ERC2: variants seen among roughly 807,000 people sequenced by gnomAD.
ERC2 encodes the protein ELKS/RAB6-interacting/CAST family member 2.
A neutral mutation model predicts 114.8 loss-of-function variants in ERC2; 42 were observed. The ratio of observed to expected loss-of-function variants is 0.37; its 90% CI spans 0.29 to 0.47. The LOEUF is 0.47. Among genes scored for constraint, ERC2 ranks in the 20% least tolerant of loss-of-function variants. The pLI, the probability that ERC2 is intolerant of heterozygous loss-of-function variation, is 0.99. For synonymous variants in ERC2, 454 were observed against 425.5 expected, an observed-to-expected ratio of 1.07 and a Z score of -0.82; for missense variants, 939 against 1,150.7, an observed-to-expected ratio of 0.82 and a Z score of 2.66.
At chr3:55,890,877 T>C (rs1051400244) in intron 13 of ERC2, among the ~76,000 whole-genome samples, 2 of 152,208 alleles carry the variant, frequency 1.3e-5, no homozygotes, top group African/African-American at 4.8e-5. Flanking sequence ...GAACACATCC[T>C]TCTAGTTTTA....
In ERC2 at chr3:55,538,974, T is replaced by A. The variant is rs1315139162; in HGVS notation, c.*40-27698A>T. Among the ~76,000 whole-genome samples the A allele has an allele frequency of 3.9e-5, 6 of 152,208 alleles. No homozygotes were observed. In the East Asian group the frequency reaches 1.2e-3, roughly 29 times the overall value. ...CACACAATTGTGGATTGGGTGGGCGTACAGAGCCTTTAATTTAAGTGGGAA... is the reference window on the plus strand; with the variant it reads ...CACACAATTGTGGATTGGGTGGGCGAACAGAGCCTTTAATTTAAGTGGGAA... On this transcript the variant is annotated intron_variant, in intron 17 of 17. Transcript: ENST00000288221.
intron 11 of ERC2, among the ~76,000 whole-genome samples, chr3:55,986,624 C>T (rs983047566): frequency 4.6e-5 from 7 of 152,098 alleles, no homozygotes; most frequent in African/African-American, 1.2e-4. Flanking sequence ...TATCAGCTTC[C>T]GCAGCAAGGA....
At chr3:56,152,248 A>G (rs936312740) in intron 4 of ERC2, among the ~76,000 whole-genome samples, 1 of 152,176 alleles carries the variant, frequency 6.6e-6, no homozygotes, top group Non-Finnish European at 1.5e-5. Flanking sequence ...ATTCTATTTA[A>G]TTTTATTTAT....
At chr3:56,029,930 T>C (rs553540328) in intron 7 of ERC2, among the ~76,000 whole-genome samples, 2 of 152,262 alleles carry the variant, frequency 1.3e-5, no homozygotes, top group South Asian at 4.1e-4. Context: ...AGATCTTTCT[T>C]CTTTTTTCAT....
At chr3:55,833,641 A>G (rs370018303) in intron 14 of ERC2, among the ~76,000 whole-genome samples, 3 of 152,132 alleles carry the variant, frequency 2.0e-5, no homozygotes, top group African/African-American at 2.4e-5. Context: ...ACTGGTACCA[A>G]CCACTGCAAA....
At chr3:55,703,084 G>A (rs778494085) in intron 15 of ERC2, among the ~76,000 whole-genome samples, 7 of 152,176 alleles carry the variant, frequency 4.6e-5, no homozygotes, top group East Asian at 1.9e-4. Context: ...TCTTCAAGGC[G>A]CCACCTTATT....
chr3:55,925,790 C>G (rs912663057), intron 13 of ERC2, among the ~76,000 whole-genome samples: 1 of 152,126 alleles, frequency 6.6e-6, no homozygotes, highest in Non-Finnish European at 1.5e-5. Context: ...CAGAGACAAA[C>G]GACCATATGA....
At chr3:55,553,415 T>A (rs1442385605) in intron 17 of ERC2, among the ~76,000 whole-genome samples, 1 of 152,086 alleles carries the variant, frequency 6.6e-6, no homozygotes, top group African/African-American at 2.4e-5. Flanking sequence ...TTTTATTTAA[T>A]CTTCACAAGA....
intron 13 of ERC2, among the ~76,000 whole-genome samples, chr3:55,896,863 C>A (rs1052717474): frequency 3.9e-5 from 6 of 152,152 alleles, no homozygotes; most frequent in Non-Finnish European, 5.9e-5. Context: ...TAATTGTGTG[C>A]TATTTCTGAT....
intron 15 of ERC2, among the ~76,000 whole-genome samples, chr3:55,726,183 C>T (rs1014514938): frequency 2.6e-5 from 4 of 152,170 alleles, no homozygotes; most frequent in Admixed American, 6.5e-5. Flanking sequence ...CTGTAAAAAC[C>T]AATACATTTG....
intron 17 of ERC2, among the ~76,000 whole-genome samples, chr3:55,561,085 C>T (rs2055984647): frequency 6.6e-6 from 1 of 151,488 alleles, no homozygotes; most frequent in African/African-American, 2.4e-5. Flanking sequence ...TTCACCAGTT[C>T]AGGCAGAAGC....
Position 56,229,674 on chromosome 3 carries a change from T to C in ERC2, c.1075-56154A>G, listed in dbSNP as rs375261371. On this transcript the variant is annotated intron_variant, in intron 3 of 17. Coordinates refer to ENST00000288221, the MANE Select transcript of ERC2 (RefSeq NM_015576.3). ...GCTTCTAGTCTTATTATGAGGCTTATTAATTACTTAAGCAGAAGACATGAT... is the reference window on the plus strand; with the variant it reads ...GCTTCTAGTCTTATTATGAGGCTTACTAATTACTTAAGCAGAAGACATGAT... Among the ~76,000 whole-genome samples the C allele has an allele frequency of 4.5e-4, 68 of 152,248 alleles. No homozygotes were observed. The South Asian group carries it at 6.0e-3, about 13-fold the overall frequency.
chr3:55,980,305 A>G (rs1400847759), intron 12 of ERC2, among the ~76,000 whole-genome samples: 1 of 152,170 alleles, frequency 6.6e-6, no homozygotes, highest in East Asian at 1.9e-4. Context: ...AGCATTTGTT[A>G]TACGTAACAA....
intron 3 of ERC2, among the ~76,000 whole-genome samples, chr3:56,237,195 C>T (rs1199019565): frequency 1.3e-5 from 2 of 152,184 alleles, no homozygotes; most frequent in Non-Finnish European, 2.9e-5. Context: ...TTTTATACTT[C>T]ATTAACCTAG....
intron 17 of ERC2, among the ~76,000 whole-genome samples, chr3:55,656,503 C>T (rs2060874813): frequency 6.6e-6 from 1 of 152,138 alleles, no homozygotes; most frequent in Non-Finnish European, 1.5e-5. Context: ...CAGGCCTGGC[C>T]TTGAGTCCGG....
intron 3 of ERC2, among the ~76,000 whole-genome samples, chr3:56,227,872 T>C (rs1466198135): frequency 1.3e-5 from 2 of 152,174 alleles, no homozygotes; most frequent in Non-Finnish European, 2.9e-5. Flanking sequence ...AGGAAACAAC[T>C]ACATCATCAA....
chr3:55,870,755 G>A (rs1456240929), intron 14 of ERC2, among the ~76,000 whole-genome samples: 1 of 152,208 alleles, frequency 6.6e-6, no homozygotes, highest in Non-Finnish European at 1.5e-5. Flanking sequence ...AGATTACAGA[G>A]CAGAAACACT....
At chr3:55,517,036 C>T (rs570374) in intron 17 of ERC2, among the ~76,000 whole-genome samples, 83,554 of 152,120 alleles carry the variant, frequency 0.55, 25,836 homozygotes, top group African/African-American at 0.84. Context: ...CCAGAGACCA[C>T]TGCCTCCTTG....
chr3:55,997,935 T>G (rs1459176753), intron 10 of ERC2, among the ~76,000 whole-genome samples: 1 of 141,820 alleles, frequency 7.1e-6, no homozygotes, highest in African/African-American at 2.6e-5. Context: ...TTTTGTTTTT[T>G]TTTTTTTTTT....
Sources: allele counts gnomAD v4.1 joint callset (sites outside exome capture counted in the v4.1 genomes callset), GRCh38; gene constraint gnomAD v4.1.1; transcripts MANE v1.5; gene names NCBI Gene and HGNC (gene_info 2026-07-23, HGNC 2026-07-21).